ARHGEF9: variants seen among roughly 807,000 people sequenced by gnomAD.
ARHGEF9 encodes the protein Cdc42 guanine nucleotide exchange factor 9, also known as rho guanine nucleotide exchange factor 9.
Under a neutral mutation model 41.3 loss-of-function variants are expected in ARHGEF9, and 2 were observed. The ratio of observed to expected loss-of-function variants is 0.05; its 90% CI spans 0.02 to 0.15. The LOEUF (loss-of-function observed/expected upper bound fraction) is 0.15. ARHGEF9 is among the 10% of genes least tolerant of loss of function. The probability of loss-of-function intolerance (pLI) is 1.00; values close to 1 mark genes in which losing one functional copy is unlikely to be tolerated. For synonymous variants in ARHGEF9, 160 were observed against 154.4 expected (o/e 1.04, Z -0.27); for missense variants, 225 against 424.7 (o/e 0.53, Z 4.13).
intron 5 of ARHGEF9, 106 bp downstream of exon 5, chrX:63,678,234 A>T: frequency 1.5e-6 from 1 of 680,114 alleles, no homozygotes; most frequent in Non-Finnish European, 2.3e-6. Context: ...TGTTTTGCAG[A>T]TAAGTTAACA....
chrX:63,729,956 AT>A (rs782800454), intron 1 of ARHGEF9, among the ~76,000 whole-genome samples: 2 of 112,466 alleles, frequency 1.8e-5, no homozygotes, highest in Admixed American at 9.4e-5. Context: ...CAAATATTCT[AT>A]CTAATTGCTC....
chrX:63,778,716 C>G (rs2056334026), intron 1 of ARHGEF9, among the ~76,000 whole-genome samples: 1 of 112,327 alleles, frequency 8.9e-6, no homozygotes, highest in Admixed American at 9.4e-5. Context: ...ATTTCTTCCA[C>G]CAGATATCCT....
Position 63,678,170 on chromosome X carries a change from T to C in ARHGEF9, c.815+170A>G, listed in dbSNP as rs1483528224. ...TTTGTGTGAGTAACAAAGCCAGTGATAGCTCTGCCTTCTGTACCCTGTTGG... is the reference window on the plus strand; with the variant it reads ...TTTGTGTGAGTAACAAAGCCAGTGACAGCTCTGCCTTCTGTACCCTGTTGG... On this transcript the variant is annotated intron_variant, in intron 5 of 9. Transcript: ENST00000671741. Among the ~76,000 whole-genome samples the C allele has an allele frequency of 2.2e-4, 25 of 112,089 alleles. No homozygotes were observed. In the Admixed American group the frequency reaches 2.4e-3, roughly 11 times the overall value.
At chrX:63,638,280 G>T in intron 9 of ARHGEF9, 71 bp from the exon 10 acceptor site, 3 of 986,199 alleles carry the variant, frequency 3.0e-6, no homozygotes, top group South Asian at 4.1e-5. Context: ...ATTACCCAGT[G>T]ACCACTCTGG....
intron 1 of ARHGEF9, among the ~76,000 whole-genome samples, chrX:63,757,113 C>A (rs2055948036): frequency 8.9e-6 from 1 of 111,862 alleles, no homozygotes; most frequent in Admixed American, 9.5e-5. Flanking sequence ...GGTTCTTCTT[C>A]ATCCAGTCAT....
At chrX:63,749,431 A>C (rs1470431870) in intron 1 of ARHGEF9, among the ~76,000 whole-genome samples, 1 of 111,637 alleles carries the variant, frequency 9.0e-6, no homozygotes, top group Non-Finnish European at 1.9e-5. Flanking sequence ...GGGTTTCACC[A>C]TGTTGGCCAG....
Position 63,635,057 on chromosome X carries a change from C to T in ARHGEF9, c.*2971G>A. ...TTTTTTTGTTAAACATTTTTTAACACACAACTTTGACACTTGTTTGACAGA... is the reference window on the plus strand; with the variant it reads ...TTTTTTTGTTAAACATTTTTTAACATACAACTTTGACACTTGTTTGACAGA... On this transcript the variant is annotated 3_prime_UTR_variant, in exon 10 of 10. Coordinates refer to ENST00000671741, the MANE Select transcript of ARHGEF9 (RefSeq NM_001353921.2). 3.4e-6 allele frequency: 1 copy of T among 295,162 alleles called. No homozygotes were observed. The allele number at this position is 295,162 out of a possible 1,213,427, so 24.3% of individuals were successfully genotyped here. A position where few individuals can be genotyped will look rare whatever the true frequency, so the allele number is the denominator to read the frequency against.
At chrX:63,768,074 C>T in intron 1 of ARHGEF9, among the ~76,000 whole-genome samples, 1 of 111,872 alleles carries the variant, frequency 8.9e-6, no homozygotes, top group South Asian at 3.8e-4. Context: ...TTTTAGTGCA[C>T]CAGCCACCCA....
chrX:63,765,067 C>T (rs1556451173), intron 1 of ARHGEF9, among the ~76,000 whole-genome samples: 1 of 111,501 alleles, frequency 9.0e-6, no homozygotes, highest in East Asian at 2.8e-4. Context: ...CTTCCCACCC[C>T]CAGCATTCCA....
intron 1 of ARHGEF9, among the ~76,000 whole-genome samples, chrX:63,774,085 CTAT>C (rs1569507127): frequency 9.2e-6 from 1 of 109,018 alleles, no homozygotes; most frequent in Non-Finnish European, 1.9e-5. Context: ...ATCTATCTAT[CTAT>C]CTATCTACTT....
At chrX:63,719,364 A>G (rs1272163028) in intron 2 of ARHGEF9, among the ~76,000 whole-genome samples, 1 of 112,392 alleles carries the variant, frequency 8.9e-6, no homozygotes, top group Non-Finnish European at 1.9e-5. Context: ...ATGGAAGGTA[A>G]GTCCTCAAGT....
intron 1 of ARHGEF9, among the ~76,000 whole-genome samples, chrX:63,730,838 A>G (rs183080873): frequency 5.4e-5 from 6 of 112,055 alleles, no homozygotes; most frequent in East Asian, 5.6e-4. Context: ...ATTTGGGGTC[A>G]TGTAAGCAGC....
At chrX:63,762,485 ACT>A (rs1174479348) in intron 1 of ARHGEF9, among the ~76,000 whole-genome samples, 2 of 111,160 alleles carry the variant, frequency 1.8e-5, no homozygotes, top group Non-Finnish European at 3.8e-5. Flanking sequence ...TAGCAATGAG[ACT>A]CTAAGTGAAG....
At chrX:63,781,569 C>T (rs1167539669) in intron 1 of ARHGEF9, among the ~76,000 whole-genome samples, 1 of 111,887 alleles carries the variant, frequency 8.9e-6, no homozygotes, top group Admixed American at 9.5e-5. Context: ...AGACACGTAT[C>T]ATCTATAAAC....
chrX:63,707,066 T>C (rs1208173637), intron 2 of ARHGEF9, among the ~76,000 whole-genome samples: 8 of 111,749 alleles, frequency 7.2e-5, no homozygotes, highest in African/African-American at 2.6e-4. Flanking sequence ...GCTAGATAGG[T>C]ACCACTATTA....
At chrX:63,770,586 T>C (rs376039307) in intron 1 of ARHGEF9, among the ~76,000 whole-genome samples, 2 of 112,072 alleles carry the variant, frequency 1.8e-5, no homozygotes, top group African/African-American at 6.5e-5. Flanking sequence ...AAACATAAAA[T>C]TTGGGAGGGA....
At chrX:63,754,652 T>C in intron 1 of ARHGEF9, 2 of 1,005,499 alleles carry the variant, frequency 2.0e-6, no homozygotes, top group Non-Finnish European at 2.5e-6. Context: ...CTCTGTTCTG[T>C]CAGACTGTCC....
At position 63,717,339 on chromosome X, in the gene ARHGEF9, T is replaced by C. The variant is rs1401459301; in HGVS notation, c.210+7193A>G. On this transcript the variant is annotated intron_variant, in intron 2 of 9. Transcript: ENST00000671741. ...ATTACATGTTCAGCAGGGTCATTAG[T>C]TGTAATATCATTCCTATTAGTCTTG... Among the ~76,000 whole-genome samples the C allele has an allele frequency of 2.7e-5, 3 of 112,111 alleles. No individual in the cohort carries two copies. The East Asian group carries it at 8.4e-4, about 31-fold the overall frequency.
intron 3 of ARHGEF9, among the ~76,000 whole-genome samples, chrX:63,705,556 A>G (rs2052481199): frequency 9.0e-6 from 1 of 110,762 alleles, no homozygotes; most frequent in Non-Finnish European, 1.9e-5. Context: ...GATGGAAGGA[A>G]TGGGGTTAGG....
Sources: gnomAD v4.1 joint callset for allele counts (sites outside exome capture counted in the v4.1 genomes callset) on GRCh38, gnomAD v4.1.1 for gene constraint, MANE v1.5 for transcripts, NCBI Gene and HGNC (gene_info 2026-07-23, HGNC 2026-07-21) for gene names.